Variants in PRR14 observed in about 807,000 individuals in gnomAD.
PRR14 encodes the protein proline-rich protein 14.
PRR14 carries 33 observed loss-of-function variants against 57.2 expected under a neutral mutation model. The observed-to-expected ratio is 0.58, with a 90% CI of 0.44 to 0.77. The LOEUF (loss-of-function observed/expected upper bound fraction) is 0.77. Ranked by LOEUF, PRR14 falls within the 30% of genes least tolerant of loss-of-function variation. PRR14 has a pLI of 0.00. For synonymous variants in PRR14, 303 were observed against 314.7 expected, an observed-to-expected ratio of 0.96 and a Z score of 0.39; for missense variants, 716 against 788.1, an observed-to-expected ratio of 0.91 and a Z score of 1.10.
At position 30,656,343 on chromosome 16, in the gene PRR14, G is replaced by A. The variant is rs746650242; in HGVS notation, c.*32G>A. 6.4e-7 allele frequency: 1 copy of A among 1,569,108 alleles called. No individual in the cohort carries two copies. Among genetic ancestry groups the A allele is most frequent in the South Asian group, 1.2e-5 (1 of 85,196 alleles). On this transcript the variant is annotated 3_prime_UTR_variant, in exon 12 of 12. Coordinates refer to ENST00000300835, the MANE Select transcript of PRR14 (RefSeq NM_024031.5). ...CATCTGTTGGTCATCCATCCTGAAG[G>A]GACAGGAAACCTCCCAGGCAGTTAT... is the stretch of plus-strand genomic sequence containing the variant.
intron 6 of PRR14, 44 bp from the exon 7 acceptor site, chr16:30,654,186 A>T: frequency 7.2e-7 from 1 of 1,396,834 alleles, no homozygotes; most frequent in Non-Finnish European, 1.0e-6. Flanking sequence ...CTCAGGTGGG[A>T]TACCTGGAAG....
At chr16:30,652,003 G>T in intron 3 of PRR14, 39 bp downstream of exon 3, 1 of 1,515,196 alleles carries the variant, frequency 6.6e-7, no homozygotes, top group Non-Finnish European at 8.8e-7. Context: ...ATTCCCCCAT[G>T]ACTTTCCTCA....
rs769313354 is a variant in PRR14, at chr16:30,651,875, C to T, written c.103C>T (p.Leu35=). The change falls in exon 3 of 12, where the codon CTG becomes TTG. Residue 35 remains leucine, a synonymous_variant. Transcript: ENST00000300835. This position sits in a 1 kb window ranked among gnomAD's most constrained non-coding sequence, Gnocchi z 5.0. ...AGCCAGGAGCCCGAAACGGCCGAGG[C>T]TGCAGCTCCCGGGGGCCCCTTCTCC... ...WGARSPKRPR[L]QLPGAPSPLE... The T allele has an allele frequency of 1.9e-6, 3 of 1,607,114 alleles. No individual in the cohort carries two copies. Among genetic ancestry groups the T allele is most frequent in the Non-Finnish European group, 1.7e-6 (2 of 1,177,544 alleles).
At chr16:30,653,315 ACTAAGGGGGCTTT>A in intron 5 of PRR14, 37 bp from the exon 6 acceptor site, 1 of 1,588,892 alleles carries the variant, frequency 6.3e-7, no homozygotes, top group Non-Finnish European at 8.6e-7. Context: ...GATGTGGGGC[ACTAAGGGGGCTTT>A]CCTGCCTCCC....
At position 30,655,996 on chromosome 16, in the gene PRR14, C is replaced by T; in HGVS notation, c.1479-36C>T. 2 of 1,597,600 alleles carry T rather than the reference C, an allele frequency of 1.3e-6. No individual in the cohort carries two copies. The highest frequency in any genetic ancestry group is 1.7e-6 in the Non-Finnish European group (2 of 1,171,880). On this transcript the variant is annotated intron_variant, in intron 11 of 11. Coordinates refer to ENST00000300835, the MANE Select transcript of PRR14 (RefSeq NM_024031.5). The surrounding 1 kb of genome is among the most constrained non-coding windows in gnomAD (Gnocchi z 4.6). ...AGGGAAATCTGGAGCTGTGGAGCAC[C>T]CTGATAAAACCAGCTCCTCTCCCTG... is the stretch of plus-strand genomic sequence containing the variant.
chr16:30,652,614 C>G (rs182102498), intron 3 of PRR14, 107 bp from the exon 4 acceptor site: 1 of 1,359,940 alleles, frequency 7.4e-7, no homozygotes, highest in African/African-American at 1.4e-5. Flanking sequence ...AATTCTAGCC[C>G]CAATCTCTGT....
chr16:30,654,676 C>G lies in PRR14; in HGVS notation c.706C>G (p.Leu236Val), dbSNP rs1777786435. 6.2e-7 allele frequency: 1 copy of G among 1,613,198 alleles called. No individual in the cohort carries two copies. The highest frequency in any genetic ancestry group is 1.3e-5 in the African/African-American group (1 of 74,892). ...CCCATCCACCCCACCACCGTCCAGC[C>G]TTTTACGCCCCCGCCTCAGTCCCTG... is the stretch of plus-strand genomic sequence containing the variant. ...ELPSTPPPSS[L>V]LRPRLSPWGL... is the part of the protein sequence containing the mutation. The change falls in exon 8 of 12, where the codon CTT becomes GTT. Residue 236 changes from leucine to valine, a missense_variant. Transcript: ENST00000300835.
At position 30,651,315 on chromosome 16, in the gene PRR14, C is replaced by T; in HGVS notation, c.-51+188C>T. 1 of 393,888 alleles carries T rather than the reference C, an allele frequency of 2.5e-6. No homozygotes were observed. Among genetic ancestry groups the T allele is most frequent in the South Asian group, 2.8e-5 (1 of 35,550 alleles). 24.4% of individuals were successfully genotyped at this position (393,888 alleles called of 1,614,324 possible). A position where few individuals can be genotyped will look rare whatever the true frequency, so the allele number is the denominator to read the frequency against. ...ATCCCGGGGGATCTCGGGGCATAAT[C>T]TGCAGGGACAAAGGCCTCGGGAGGC... On this transcript the variant is annotated intron_variant, in intron 1 of 11. Transcript: ENST00000300835. This position sits in a 1 kb window ranked among gnomAD's most constrained non-coding sequence, Gnocchi z 5.0.
rs1444077811 is a variant in PRR14, at chr16:30,655,748, C to T, written c.1407-120C>T. The T allele has an allele frequency of 4.5e-6, 6 of 1,326,622 alleles. No homozygotes were observed. Among genetic ancestry groups the T allele is most frequent in the South Asian group, 1.2e-5 (1 of 84,442 alleles). 82.2% of individuals were successfully genotyped at this position (1,326,622 alleles called of 1,614,324 possible). A position where few individuals can be genotyped will look rare whatever the true frequency, so the allele number is the denominator to read the frequency against. ...TTTGTGCTCAAAATTGCCTGTCTGCCTTATGTAGCACTCCTGGCCCTGACA... is the reference window on the plus strand; with the variant it reads ...TTTGTGCTCAAAATTGCCTGTCTGCTTTATGTAGCACTCCTGGCCCTGACA... On this transcript the variant is annotated intron_variant, in intron 10 of 11. Coordinates refer to ENST00000300835, the MANE Select transcript of PRR14 (RefSeq NM_024031.5). The surrounding 1 kb of genome is among the most constrained non-coding windows in gnomAD (Gnocchi z 4.6).
Position 30,654,786 on chromosome 16 carries a change from G to T in PRR14, c.816G>T (p.Gln272His). The T allele has an allele frequency of 6.4e-7, 1 of 1,568,098 alleles. No individual in the cohort carries two copies. Among genetic ancestry groups the T allele is most frequent in the East Asian group, 2.3e-5 (1 of 44,022 alleles). ...TCCTCACGCCCAACAAAACCCCACA[G>T]CCCCCACCCCCGTCCCCCCCAATGA... ...DIFLTPNKTP[Q>H]PPPPSPPMKL... is the part of the protein sequence containing the mutation. The change falls in exon 8 of 12, where the codon CAG becomes CAT. Residue 272 changes from glutamine (Q) to histidine (H), a missense_variant. By Grantham distance (24) the Gln-to-His change is conservative. Transcript: ENST00000300835.
In PRR14 at chr16:30,651,558, C is replaced by A; in HGVS notation, c.-50-38C>A. ...GGCGGAGCCCCAGGGAAGGGGCCGGCCCTCACCCCCCGCTCCCCCGCTCCC... is the reference window on the plus strand; with the variant it reads ...GGCGGAGCCCCAGGGAAGGGGCCGGACCTCACCCCCCGCTCCCCCGCTCCC... On this transcript the variant is annotated intron_variant, in intron 1 of 11. Transcript: ENST00000300835. This position sits in a 1 kb window ranked among gnomAD's most constrained non-coding sequence, Gnocchi z 5.0. The A allele has an allele frequency of 1.2e-6, 1 of 814,088 alleles. No homozygotes were observed. The highest frequency in any genetic ancestry group is 1.8e-6 in the Non-Finnish European group (1 of 540,924). The allele number at this position is 814,088 out of a possible 1,614,324, so 50.4% of individuals were successfully genotyped here.
In PRR14 at chr16:30,652,813, C is replaced by G. The variant is rs1292625649; in HGVS notation, c.285C>G (p.Pro95=). Residue 95 remains proline, a synonymous_variant, in exon 4 of 12, where the codon CCC becomes CCG. Coordinates refer to ENST00000300835, the MANE Select transcript of PRR14 (RefSeq NM_024031.5). ...ACAGGCAGCCGCCTGCCTCGCCACCCCGGCAGGCCGGGTGGTCCTCGCAGG... is the reference window on the plus strand; with the variant it reads ...ACAGGCAGCCGCCTGCCTCGCCACCGCGGCAGGCCGGGTGGTCCTCGCAGG... ...PVHRQPPASP[P]RQAGWSSQAR... is the part of the protein sequence containing the mutation. 1.2e-6 allele frequency: 2 copies of G among 1,614,212 alleles called. No homozygotes were observed. Among genetic ancestry groups the G allele is most frequent in the South Asian group, 2.2e-5 (2 of 91,088 alleles).
chr16:30,653,449 A>G (rs1281053935), intron 6 of PRR14, 41 bp downstream of exon 6: 1 of 1,589,348 alleles, frequency 6.3e-7, no homozygotes, highest in Non-Finnish European at 8.6e-7. Flanking sequence ...GATCCAGGCA[A>G]CAGCCATCAT....
chr16:30,655,619 C>T lies in PRR14; in HGVS notation c.1406+26C>T, dbSNP rs948221093. ...GTGAGGGGCTCACTGGGCATTGAGC[C>T]ATCTTGGCCAAACAGATGCAGGCTT... On this transcript the variant is annotated intron_variant, in intron 10 of 11. Coordinates refer to ENST00000300835, the MANE Select transcript of PRR14 (RefSeq NM_024031.5). The surrounding 1 kb of genome is among the most constrained non-coding windows in gnomAD (Gnocchi z 4.6). 2 of 1,602,398 alleles carry T rather than the reference C, an allele frequency of 1.2e-6. No homozygotes were observed. The highest frequency in any genetic ancestry group is 1.3e-5 in the African/African-American group (1 of 74,672).
intron 3 of PRR14, chr16:30,652,232 C>CTT (rs749845482): frequency 1.7e-3 from 891 of 516,872 alleles, no homozygotes; most frequent in East Asian, 2.3e-3. Flanking sequence ...TTTTTTCTAT[C>CTT]TTTTTTTTTT....
At position 30,656,362 on chromosome 16, in the gene PRR14, C is replaced by A; in HGVS notation, c.*51C>A. ...CTGAAGGGACAGGAAACCTCCCAGG[C>A]AGTTATTTTTTTTTCTCTATATTTC... is the stretch of plus-strand genomic sequence containing the variant. On this transcript the variant is annotated 3_prime_UTR_variant, in exon 12 of 12. Transcript: ENST00000300835. 6.6e-7 allele frequency: 1 copy of A among 1,513,294 alleles called. No individual in the cohort carries two copies. The highest frequency in any genetic ancestry group is 8.8e-7 in the Non-Finnish European group (1 of 1,130,228). The allele number at this position is 1,513,294 out of a possible 1,614,324, so 93.7% of individuals were successfully genotyped here. A position where few individuals can be genotyped will look rare whatever the true frequency, so the allele number is the denominator to read the frequency against.
chr16:30,653,227 G>C, intron 5 of PRR14, 124 bp downstream of exon 5: 2 of 1,360,574 alleles, frequency 1.5e-6, no homozygotes, highest in Non-Finnish European at 2.1e-6. Context: ...TTAGGCGGCA[G>C]ACACTGCCTG....
At chr16:30,654,425 A>C (rs547996011) in intron 7 of PRR14, 86 bp downstream of exon 7, 64 of 1,220,904 alleles carry the variant, frequency 5.2e-5, no homozygotes, top group Admixed American at 3.7e-4. Context: ...AGAGTTGGGG[A>C]TAGGGCTTAA....
At chr16:30,653,179 C>G in intron 5 of PRR14, 76 bp downstream of exon 5, 1 of 1,472,086 alleles carries the variant, frequency 6.8e-7, no homozygotes, top group Middle Eastern at 2.1e-4. Context: ...AGGCCTGAGT[C>G]TTAGGTGGGT....
Sources: gnomAD v4.1 joint callset for allele counts on GRCh38, gnomAD v4.1.1 for gene constraint, Gnocchi (gnomAD v3.1) non-coding constraint, MANE v1.5 for transcripts, NCBI Gene and HGNC (gene_info 2026-07-23, HGNC 2026-07-21) for gene names.